The following ANKS1A variants were observed in gnomAD, a reference collection of about 807,000 sequenced individuals.
The protein encoded by ANKS1A is ankyrin repeat and SAM domain-containing protein 1A.
In ANKS1A, 55 loss-of-function variants were observed where a neutral mutation model predicts 120.3. The observed-to-expected ratio is 0.46, with a 90% CI of 0.37 to 0.57. The LOEUF (loss-of-function observed/expected upper bound fraction) is 0.57. Among genes scored for constraint, ANKS1A ranks in the 20% least tolerant of loss-of-function variants. The probability of loss-of-function intolerance (pLI) is 0.00; values close to 1 mark genes in which losing one functional copy is unlikely to be tolerated. For missense variants in ANKS1A, 1,123 were observed against 1,480.3 expected (o/e 0.76, Z 3.96); for synonymous variants, 590 against 604.7 (o/e 0.98, Z 0.36).
rs142222409 is a variant in ANKS1A, at chr6:35,018,951, C to A, written c.2010+892C>A. ...CTGTGCTGTCCTGGAAGGCCAAATA[C>A]TTCTTCCAGCAGAAGGGTCCTGCCC... On this transcript the variant is annotated intron_variant, in intron 11 of 23. Coordinates refer to ENST00000360359, the MANE Select transcript of ANKS1A (RefSeq NM_015245.3). Among the ~76,000 whole-genome samples the A allele has an allele frequency of 2.0e-5, 3 of 152,290 alleles. No homozygotes were observed. The East Asian group carries it at 5.8e-4, about 29-fold the overall frequency.
chr6:34,907,930 A>G (rs1259868836), intron 1 of ANKS1A, among the ~76,000 whole-genome samples: 3 of 152,154 alleles, frequency 2.0e-5, no homozygotes, highest in Non-Finnish European at 4.4e-5. Flanking sequence ...GGTGGCTCAC[A>G]CCTGTAATCC....
At position 35,078,553 on chromosome 6, in the gene ANKS1A, C is replaced by T. The variant is rs185669208; in HGVS notation, c.2185-5C>T. ...GGGCCCTGACATCCACCTTTCTGCTCTCAGGGGTCTAATGTGATGGAAGAG... is the reference window on the plus strand; with the variant it reads ...GGGCCCTGACATCCACCTTTCTGCTTTCAGGGGTCTAATGTGATGGAAGAG... On this transcript the variant is annotated splice_region_variant and splice_polypyrimidine_tract_variant and intron_variant, in intron 13 of 23. Transcript: ENST00000360359. 2 of 1,611,174 alleles carry T rather than the reference C, an allele frequency of 1.2e-6. No homozygotes were observed. The highest frequency in any genetic ancestry group is 1.7e-6 in the Non-Finnish European group (2 of 1,179,762).
rs1326931083 is a variant in ANKS1A, at chr6:35,089,314, A to T, written c.*705A>T. 1 of 987,582 alleles carries T rather than the reference A, an allele frequency of 1.0e-6. No individual in the cohort carries two copies. The highest frequency in any genetic ancestry group is 1.1e-4 in the East Asian group (1 of 8,864). The allele number at this position is 987,582 out of a possible 1,614,324, so 61.2% of individuals were successfully genotyped here. A position where few individuals can be genotyped will look rare whatever the true frequency, so the allele number is the denominator to read the frequency against. On this transcript the variant is annotated 3_prime_UTR_variant, in exon 24 of 24. Transcript: ENST00000360359. ...GGGAAGGTTCAGTGGCCAAATGAAG[A>T]TAAGTGTGCAGTTTCTAGTGCTGGG...
At chr6:35,041,478 T>C (rs1479413422) in intron 11 of ANKS1A, among the ~76,000 whole-genome samples, 1 of 152,190 alleles carries the variant, frequency 6.6e-6, no homozygotes, top group Non-Finnish European at 1.5e-5. Context: ...CTTTTCTTGA[T>C]GTCTTTCCTG....
intron 1 of ANKS1A, among the ~76,000 whole-genome samples, chr6:34,892,371 C>T (rs910379973): frequency 6.6e-6 from 1 of 152,182 alleles, no homozygotes; most frequent in Non-Finnish European, 1.5e-5. Flanking sequence ...TCCCAACCCT[C>T]TCTCCCCTAA....
At chr6:34,901,412 A>G (rs1448924431) in intron 1 of ANKS1A, among the ~76,000 whole-genome samples, 1 of 152,166 alleles carries the variant, frequency 6.6e-6, no homozygotes, top group Non-Finnish European at 1.5e-5. Flanking sequence ...TTGGTACTTT[A>G]ATCTTCACAA....
In ANKS1A at chr6:35,079,906, C is replaced by A; in HGVS notation, c.2522C>A (p.Pro841His). 6.4e-7 allele frequency: 1 copy of A among 1,558,646 alleles called. No individual in the cohort carries two copies. Among genetic ancestry groups the A allele is most frequent in the East Asian group, 2.4e-5 (1 of 41,746 alleles). The change falls in exon 16 of 24, where the codon CCC (proline) becomes CAC (histidine). Residue 841 changes from proline (P) to histidine (H), a missense_variant. Around this residue, in one of 3 missense-constraint regions of ANKS1A, gnomAD observed 904 missense variants for 1,130.4 expected, o/e 0.80. Coordinates refer to ENST00000360359, the MANE Select transcript of ANKS1A (RefSeq NM_015245.3). ...CCGTACGAGGAGCCGCCCCAGAAGC[C>A]CCCCAGATTCTCCCAGCTGAGGGTG... ...DRPYEEPPQK[P>H]PRFSQLRCQD...
At chr6:34,926,352 G>A (rs1176666435) in intron 1 of ANKS1A, among the ~76,000 whole-genome samples, 2 of 152,080 alleles carry the variant, frequency 1.3e-5, no homozygotes, top group Admixed American at 6.5e-5. Context: ...AACTGTGAGG[G>A]CCACCTGAGG....
Position 34,982,153 on chromosome 6 carries a change from C to T in ANKS1A, c.732+167C>T, listed in dbSNP as rs895368432. 6.6e-6 allele frequency among the ~76,000 whole-genome samples: 1 copy of T among 152,182 alleles called. No homozygotes were observed. Among genetic ancestry groups the T allele is most frequent in the Non-Finnish European group, 1.5e-5 (1 of 68,036 alleles). ...AATGTGACACTAAGAAACAAATGAACTCCTCAAGCAAGTCTATTATTTTTT... is the reference window on the plus strand; with the variant it reads ...AATGTGACACTAAGAAACAAATGAATTCCTCAAGCAAGTCTATTATTTTTT... On this transcript the variant is annotated intron_variant, in intron 4 of 23. Coordinates refer to ENST00000360359, the MANE Select transcript of ANKS1A (RefSeq NM_015245.3). This position sits in a 1 kb window ranked among gnomAD's most constrained non-coding sequence, Gnocchi z 4.9.
chr6:35,056,142 A>G (rs898918209), intron 12 of ANKS1A, among the ~76,000 whole-genome samples: 2 of 152,206 alleles, frequency 1.3e-5, no homozygotes, highest in African/African-American at 2.4e-5. Context: ...AGAAACAGCC[A>G]TTGCCTCTTG....
rs1468012040 is a variant in ANKS1A, at chr6:34,918,559, A to G, written c.197+28960A>G. 6.6e-5 allele frequency among the ~76,000 whole-genome samples: 10 copies of G among 152,362 alleles called. No individual in the cohort carries two copies. In the South Asian group the frequency reaches 1.9e-3, roughly 28 times the overall value. ...TCCCCAGTGCATGTCTATGCATTCT[A>G]TGTAGAAAATCACGATGAAGAAAAG... On this transcript the variant is annotated intron_variant, in intron 1 of 23. Transcript: ENST00000360359.
intron 1 of ANKS1A, among the ~76,000 whole-genome samples, chr6:34,935,094 CTTGTTTT>C (rs1300799407): frequency 1.3e-5 from 2 of 152,148 alleles, no homozygotes; most frequent in African/African-American, 4.8e-5. Context: ...CTGGTTCCCT[CTTGTTTT>C]TTAAAGACAG....
At chr6:34,915,497 C>A (rs555469484) in intron 1 of ANKS1A, among the ~76,000 whole-genome samples, 1 of 152,186 alleles carries the variant, frequency 6.6e-6, no homozygotes, top group South Asian at 2.1e-4. Context: ...CAGGTGAGTA[C>A]CACCGCACTC....
At chr6:35,047,914 G>A (rs779684302) in intron 11 of ANKS1A, among the ~76,000 whole-genome samples, 10 of 152,198 alleles carry the variant, frequency 6.6e-5, no homozygotes, top group Non-Finnish European at 1.2e-4. Context: ...TTTCTGTCAA[G>A]CTGCAGATGT....
rs532228928 is a variant in ANKS1A at position 35,044,473 on chromosome 6, G to A, written c.2011-9626G>A. 6.6e-6 allele frequency among the ~76,000 whole-genome samples: 1 copy of A among 152,338 alleles called. No homozygotes were observed. Among genetic ancestry groups the A allele is most frequent in the East Asian group, 1.9e-4 (1 of 5,186 alleles). ...CTCTGTCTGAGGTGAGGGAGTAGAG[G>A]CAGGCCCACAGCCTGCATGAGAAGG... is the stretch of plus-strand genomic sequence containing the variant. On this transcript the variant is annotated intron_variant, in intron 11 of 23. Coordinates refer to ENST00000360359, the MANE Select transcript of ANKS1A (RefSeq NM_015245.3). The surrounding 1 kb of genome is among the most constrained non-coding windows in gnomAD (Gnocchi z 4.4).
At chr6:35,009,922 A>AAT in intron 10 of ANKS1A, 1 of 312,292 alleles carries the variant, frequency 3.2e-6, no homozygotes, top group East Asian at 9.6e-5. Context: ...AAAAAAAAAA[A>AAT]AAAAAAAAAA....
intron 23 of ANKS1A, 50 bp downstream of exon 23, chr6:35,087,099 C>T: frequency 6.5e-7 from 1 of 1,541,174 alleles, no homozygotes; most frequent in Middle Eastern, 1.7e-4. Context: ...CTCCACTAGT[C>T]TCACTGTGCC....
chr6:34,912,498 C>T (rs1767953908), intron 1 of ANKS1A, among the ~76,000 whole-genome samples: 1 of 152,142 alleles, frequency 6.6e-6, no homozygotes. Flanking sequence ...GACCGTGTGG[C>T]CTGCCCAGAG....
intron 10 of ANKS1A, among the ~76,000 whole-genome samples, chr6:35,001,261 T>C: frequency 6.6e-6 from 1 of 152,256 alleles, no homozygotes; most frequent in East Asian, 1.9e-4. Context: ...TTCATTTTAC[T>C]AGAGGATGAT....
Sources: gnomAD v4.1 joint callset for allele counts (sites outside exome capture counted in the v4.1 genomes callset) on GRCh38, gnomAD v4.1.1 for gene constraint, gnomAD v4.1.1 regional missense constraint, Gnocchi (gnomAD v3.1) non-coding constraint, MANE v1.5 for transcripts, NCBI Gene and HGNC (gene_info 2026-07-23, HGNC 2026-07-21) for gene names.